MYBPC3: variants seen among roughly 807,000 people sequenced by gnomAD.
MYBPC3 encodes myosin binding protein C3.
In MYBPC3, 108 loss-of-function variants were observed where a neutral mutation model predicts 159.3. The ratio of observed to expected loss-of-function variants is 0.68; its 90% CI spans 0.58 to 0.80. The LOEUF (loss-of-function observed/expected upper bound fraction) is 0.80, where lower values mean the gene tolerates loss of function less well. Among genes scored for constraint, MYBPC3 ranks in the 30% least tolerant of loss-of-function variants. The pLI, the probability that MYBPC3 is intolerant of heterozygous loss-of-function variation, is 0.00. For synonymous variants in MYBPC3, 730 were observed against 702.0 expected, an observed-to-expected ratio of 1.04 and a Z score of -0.63; for missense variants, 1,631 against 1,762.1, an observed-to-expected ratio of 0.93 and a Z score of 1.33.
intron 34 of MYBPC3, 27 bp downstream of exon 34, chr11:47,331,818 G>C: frequency 6.3e-7 from 1 of 1,587,744 alleles, no homozygotes; most frequent in Middle Eastern, 1.8e-4. Flanking sequence ...CCACTGACTT[G>C]TGCCCTGGGT....
At position 47,351,569 on chromosome 11, in the gene MYBPC3, CCT is replaced by C. The variant is rs771843979; in HGVS notation, c.26-66_26-65del. 1.0e-4 allele frequency: 155 copies of C among 1,479,286 alleles called. 1 individual carries two copies. Among genetic ancestry groups the C allele is most frequent in the Non-Finnish European group, 1.3e-4 (149 of 1,108,508 alleles). 91.6% of individuals were successfully genotyped at this position (1,479,286 alleles called of 1,614,324 possible). On this transcript the variant is annotated intron_variant, in intron 1 of 34. Coordinates refer to ENST00000545968, the MANE Select transcript of MYBPC3 (RefSeq NM_000256.3). This position sits in a 1 kb window ranked among gnomAD's most constrained non-coding sequence, Gnocchi z 4.2. Reference sequence around the variant, plus strand: ...GAGCGTGCACCCCGCCCCTGCAGCCCCTCTCAGTAAATACTGTGCTAGCACTT... The same window carrying C: ...GAGCGTGCACCCCGCCCCTGCAGCCCCTCAGTAAATACTGTGCTAGCACTT...
In MYBPC3 at chr11:47,351,874, T is replaced by C. The variant is rs2856656; in HGVS notation, c.26-369A>G. On this transcript the variant is annotated intron_variant, in intron 1 of 34. Coordinates refer to ENST00000545968, the MANE Select transcript of MYBPC3 (RefSeq NM_000256.3). The surrounding 1 kb of genome is among the most constrained non-coding windows in gnomAD (Gnocchi z 4.2). Reference sequence around the variant, plus strand: ...TTGGCAGGGGGCGGGGAAGTCTGCCTACTTGGAATGTGGCCAAATTTGTCC... The same window carrying C: ...TTGGCAGGGGGCGGGGAAGTCTGCCCACTTGGAATGTGGCCAAATTTGTCC... 0.015 allele frequency among the ~76,000 whole-genome samples: 2,255 copies of C among 152,300 alleles called. 18 individuals are homozygous for C. The highest frequency in any genetic ancestry group is 0.027 in the Middle Eastern group (8 of 294).
At chr11:47,337,882 CGCCACAG>C in intron 23 of MYBPC3, 88 bp from the exon 24 acceptor site, 1 of 1,111,774 alleles carries the variant, frequency 9.0e-7, no homozygotes, top group South Asian at 1.4e-5. Context: ...TCCAACTAAC[CGCCACAG>C]GCTGCCCCCA....
chr11:47,348,927 T>TATATATATATATATA (rs1555123220), intron 5 of MYBPC3, among the ~76,000 whole-genome samples: 77 of 126,230 alleles, frequency 6.1e-4, no homozygotes, highest in East Asian at 1.2e-3. Flanking sequence ...TATATATATA[T>TATATATATATATATA]TTAAAGGAGG....
rs1365616473 is a variant in MYBPC3, at chr11:47,335,962, G to A, written c.2652C>T (p.Thr884=). The A allele has an allele frequency of 1.3e-6, 2 of 1,564,384 alleles. No homozygotes were observed. Among genetic ancestry groups the A allele is most frequent in the East Asian group, 2.4e-5 (1 of 42,366 alleles). ...GGGGCCGCCACTTGAGGGAGACCGT[G>A]GTGTCAGAGACGTCCTCTACTGCCA... The part of the protein sequence containing the change: ...THLAVEDVSD[T]TVSLKWRPPE... The change falls in exon 26 of 35, where the codon ACC becomes ACT. Residue 884 remains threonine, a synonymous_variant. Transcript: ENST00000545968.
chr11:47,342,189 A>G (rs1480063459), intron 17 of MYBPC3, 33 bp from the exon 18 acceptor site: 1 of 1,608,396 alleles, frequency 6.2e-7, no homozygotes. Flanking sequence ...TGAGCTCGGG[A>G]GGGTGTGTGG....
Position 47,352,450 on chromosome 11 carries a change from G to A in MYBPC3, c.25+173C>T, listed in dbSNP as rs1032370045. On this transcript the variant is annotated intron_variant, in intron 1 of 34. Transcript: ENST00000545968. ...ACCTTCACCTCTCATCAGAGGGATG[G>A]GAAAAAGAAACCGAGAATCAAAAAA... 2.6e-5 allele frequency among the ~76,000 whole-genome samples: 4 copies of A among 151,982 alleles called. No individual in the cohort carries two copies. In the South Asian group the frequency reaches 8.3e-4, roughly 32 times the overall value.
chr11:47,343,181 G>A (rs751377362), intron 14 of MYBPC3, 36 bp from the exon 15 acceptor site: 2 of 1,602,658 alleles, frequency 1.2e-6, no homozygotes, highest in South Asian at 2.2e-5. Context: ...CAGGAAAGCT[G>A]CGGACACCCC....
chr11:47,333,621 A>G lies in MYBPC3; in HGVS notation c.3126T>C (p.Thr1042=), dbSNP rs1398956818. 1 of 1,605,778 alleles carries G rather than the reference A, an allele frequency of 6.2e-7. No individual in the cohort carries two copies. The highest frequency in any genetic ancestry group is 8.5e-7 in the Non-Finnish European group (1 of 1,179,832). The change falls in exon 29 of 35, where the codon ACT becomes ACC. Residue 1042 remains threonine, a synonymous_variant. Transcript: ENST00000545968. ...IRAARRVHSG[T]YQVTVRIENM... ...TCTCAATGCGCACCGTCACCTGGTA[A>G]GTGCCTGAATGCACGCGGCGAGCGG...
At chr11:47,337,952 C>CTTTTTTT (rs11323436) in intron 23 of MYBPC3, among the ~76,000 whole-genome samples, 158 bp from the exon 24 acceptor site, 1 of 116,634 alleles carries the variant, frequency 8.6e-6, no homozygotes, top group African/African-American at 3.5e-5. Context: ...TCTTCTTTTC[C>CTTTTTTT]TTTTTTTTTT....
In MYBPC3 at chr11:47,337,594, G is replaced by T. The variant is rs755532159; in HGVS notation, c.2414-15C>A. 1 of 1,613,874 alleles carries T rather than the reference G, an allele frequency of 6.2e-7. No homozygotes were observed. Among genetic ancestry groups the T allele is most frequent in the Non-Finnish European group, 8.5e-7 (1 of 1,179,860 alleles). ...CAGGATGTAGCCTGGCTCAGGGGAG[G>T]TGGCAGCTCTGGTCTGGAACCCAGG... On this transcript the variant is annotated splice_polypyrimidine_tract_variant and intron_variant, in intron 24 of 34. Transcript: ENST00000545968.
rs2095895843 is a variant in MYBPC3 at position 47,347,772 on chromosome 11, C to T, written c.821+85G>A. On this transcript the variant is annotated intron_variant, in intron 7 of 34. Coordinates refer to ENST00000545968, the MANE Select transcript of MYBPC3 (RefSeq NM_000256.3). ...ACTTCAGCTCCGCCCCGCAAATCAT[C>T]CCCAGCCCTGACCCCCAGTCGAGAC... The T allele has an allele frequency of 3.2e-6, 5 of 1,546,506 alleles. No homozygotes were observed. In the South Asian group the frequency reaches 3.6e-5, roughly 11 times the overall value.
Position 47,342,050 on chromosome 11 carries a change from C to T in MYBPC3, c.1731G>A (p.Trp577Ter), listed in dbSNP as rs730880546. 6.2e-7 allele frequency: 1 copy of T among 1,610,666 alleles called. No individual in the cohort carries two copies. Among genetic ancestry groups the T allele is most frequent in the African/African-American group, 1.3e-5 (1 of 75,036 alleles). The change falls in exon 18 of 35, where the codon TGG becomes TGA. Residue 577 changes from tryptophan (W) to a stop codon, truncating the protein, a stop_gained. Coordinates refer to ENST00000545968, the MANE Select transcript of MYBPC3 (RefSeq NM_000256.3). LOFTEE classifies it high-confidence loss of function. Reference sequence around the variant, plus strand: ...GCACCAGCTCCTTCCCATTCTTCAGCCACACACCCCGAACATTCTCATCTG... The same window carrying T: ...GCACCAGCTCCTTCCCATTCTTCAGTCACACACCCCGAACATTCTCATCTG... Reference protein sequence around the residue: ...EVSDENVRGVWLKNGKELVPD... With the variant: ...EVSDENVRGV
chr11:47,338,476 GC>G lies in MYBPC3; in HGVS notation c.2308+43del. On this transcript the variant is annotated intron_variant, in intron 23 of 34. Coordinates refer to ENST00000545968, the MANE Select transcript of MYBPC3 (RefSeq NM_000256.3). This position sits in a 1 kb window ranked among gnomAD's most constrained non-coding sequence, Gnocchi z 4.7. ...AGCGAACGGATGGGCCCTCCTTGGGGCTGCCCCTCTGTGTTCTCCAGCTTGG... is the reference window on the plus strand; with the variant it reads ...AGCGAACGGATGGGCCCTCCTTGGGGTGCCCCTCTGTGTTCTCCAGCTTGG... 6.2e-7 allele frequency: 1 copy of G among 1,612,724 alleles called. No homozygotes were observed. Among genetic ancestry groups the G allele is most frequent in the Non-Finnish European group, 8.5e-7 (1 of 1,179,208 alleles).
Position 47,331,706 on chromosome 11 carries a change from T to G in MYBPC3, c.*37A>C, listed in dbSNP as rs1258518886. ...CCAGGCTCCTGGCACGGGGCTGGCA[T>G]CCGGTTGTACCTGCAACACAGGTTA... On this transcript the variant is annotated 3_prime_UTR_variant, in exon 35 of 35. Coordinates refer to ENST00000545968, the MANE Select transcript of MYBPC3 (RefSeq NM_000256.3). 2.2e-6 allele frequency: 2 copies of G among 909,122 alleles called. No homozygotes were observed. Among genetic ancestry groups the G allele is most frequent in the East Asian group, 5.4e-5 (2 of 37,112 alleles). 56.3% of individuals were successfully genotyped at this position (909,122 alleles called of 1,614,324 possible). A position where few individuals can be genotyped will look rare whatever the true frequency, so the allele number is the denominator to read the frequency against.
rs1483938776 is a variant in MYBPC3 at position 47,348,481 on chromosome 11, A to G, written c.715T>C (p.Cys239Arg). Residue 239 changes from cysteine to arginine, a missense_variant, in exon 6 of 35, where the codon TGT becomes CGT. Transcript: ENST00000545968. ...AATTTGTCCTTGGTGGACACCTCAC[A>G]GCGGTAGCTGCCAGTGAAGGCAGGC... ...AQPAFTGSYR[C>R]EVSTKDKFDC... is the part of the protein sequence containing the mutation. 1 of 1,613,524 alleles carries G rather than the reference A, an allele frequency of 6.2e-7. No individual in the cohort carries two copies. The highest frequency in any genetic ancestry group is 2.2e-5 in the East Asian group (1 of 44,850).
At chr11:47,341,930 T>A in intron 18 of MYBPC3, 61 bp downstream of exon 18, 2 of 1,538,982 alleles carry the variant, frequency 1.3e-6, no homozygotes, top group Non-Finnish European at 1.8e-6. Flanking sequence ...TTTCTCCCTG[T>A]GTCTCTCTCT....
In MYBPC3 at chr11:47,346,891, A is replaced by G. The variant is rs1056001898; in HGVS notation, c.908+136T>C. ...GGGTGGCAGGAGAAGCCCAAGGCAC[A>G]GAGACTCACCCCTGTCCGTGGGGAG... On this transcript the variant is annotated intron_variant, in intron 10 of 34. Coordinates refer to ENST00000545968, the MANE Select transcript of MYBPC3 (RefSeq NM_000256.3). This position sits in a 1 kb window ranked among gnomAD's most constrained non-coding sequence, Gnocchi z 5.3. The G allele has an allele frequency of 8.3e-6, 6 of 721,254 alleles. No individual in the cohort carries two copies. Among genetic ancestry groups the G allele is most frequent in the Non-Finnish European group, 1.5e-5 (6 of 398,006 alleles). 44.7% of individuals were successfully genotyped at this position (721,254 alleles called of 1,614,324 possible). A position where few individuals can be genotyped will look rare whatever the true frequency, so the allele number is the denominator to read the frequency against.
chr11:47,343,533 G>A lies in MYBPC3; in HGVS notation c.1182C>T (p.Val394=). ...TCTCCTGGCCATTCTTGAGCCATTT[G>A]ACCTCAGCGTCATGGTCAGCCAGTT... ...TVELADHDAE[V]KWLKNGQEIQ... is the part of the protein sequence containing the mutation. Residue 394 remains valine (V), a synonymous_variant, in exon 13 of 35, where the codon GTC becomes GTT. Coordinates refer to ENST00000545968, the MANE Select transcript of MYBPC3 (RefSeq NM_000256.3). The A allele has an allele frequency of 6.6e-7, 1 of 1,504,782 alleles. No individual in the cohort carries two copies. The highest frequency in any genetic ancestry group is 9.0e-7 in the Non-Finnish European group (1 of 1,114,948). The allele number at this position is 1,504,782 out of a possible 1,614,324, so 93.2% of individuals were successfully genotyped here.
Sources: gnomAD v4.1 joint callset for allele counts (sites outside exome capture counted in the v4.1 genomes callset) on GRCh38, gnomAD v4.1.1 for gene constraint, Gnocchi (gnomAD v3.1) non-coding constraint, MANE v1.5 for transcripts, NCBI Gene and HGNC (gene_info 2026-07-23, HGNC 2026-07-21) for gene names.